The following IGF1R variants were observed in gnomAD, a reference collection of about 807,000 sequenced individuals.
The protein encoded by IGF1R is insulin like growth factor 1 receptor, also known as insulin-like growth factor 1 receptor.
IGF1R carries 44 observed loss-of-function variants against 144.6 expected under a neutral mutation model. The ratio of observed to expected loss-of-function variants is 0.30; its 90% CI spans 0.24 to 0.39. The LOEUF is 0.39. IGF1R is among the 10% of genes least tolerant of loss of function. The pLI, the probability that IGF1R is intolerant of heterozygous loss-of-function variation, is 1.00. For missense variants in IGF1R, 1,355 were observed against 1,833.7 expected (o/e 0.74, Z 4.77); for synonymous variants, 795 against 722.8 (o/e 1.10, Z -1.60).
At chr15:98,686,766 G>A (rs1032190445) in intron 1 of IGF1R, among the ~76,000 whole-genome samples, 2 of 151,834 alleles carry the variant, frequency 1.3e-5, no homozygotes, top group Non-Finnish European at 2.9e-5. Context: ...AACCTCCTAG[G>A]CTCATGTGAT....
At chr15:98,925,025 TATA>T (rs2015656454) in intron 13 of IGF1R, among the ~76,000 whole-genome samples, 1 of 152,000 alleles carries the variant, frequency 6.6e-6, no homozygotes, top group Non-Finnish European at 1.5e-5. Context: ...AAAGACATTT[TATA>T]AAGCATTGAA....
chr15:98,961,855 T>C lies in IGF1R; in HGVS notation c.*4413T>C, dbSNP rs1467204888. On this transcript the variant is annotated 3_prime_UTR_variant, in exon 21 of 21. Transcript: ENST00000650285. ...GACCGTGTTCGTGGCCGACCTGGCC[T>C]CTCCTGGCCTGTTTCTTAAGATGCG... The C allele has an allele frequency of 1.7e-5, 4 of 233,158 alleles. No homozygotes were observed. The highest frequency in any genetic ancestry group is 4.4e-5 in the African/African-American group (2 of 45,308). The allele number at this position is 233,158 out of a possible 1,614,324, so 14.4% of individuals were successfully genotyped here.
intron 2 of IGF1R, among the ~76,000 whole-genome samples, chr15:98,719,021 T>A (rs1320312744): frequency 6.6e-6 from 1 of 152,208 alleles, no homozygotes; most frequent in East Asian, 1.9e-4. Flanking sequence ...GCTAAGTAGA[T>A]GATATTATTA....
chr15:98,927,913 A>C (rs1216722794), intron 13 of IGF1R, among the ~76,000 whole-genome samples: 1 of 152,172 alleles, frequency 6.6e-6, no homozygotes, highest in Admixed American at 6.5e-5. Context: ...GACGTCCCAG[A>C]GAGGTCTCAG....
intron 2 of IGF1R, among the ~76,000 whole-genome samples, chr15:98,753,635 A>C (rs2055078134): frequency 6.6e-6 from 1 of 152,084 alleles, no homozygotes; most frequent in Admixed American, 6.5e-5. Flanking sequence ...TTTTATACAA[A>C]AGAAGCTTTT....
intron 5 of IGF1R, among the ~76,000 whole-genome samples, chr15:98,904,607 T>C (rs28730925): frequency 0.018 from 2,718 of 152,284 alleles, 76 homozygotes; most frequent in African/African-American, 0.06. Flanking sequence ...GGCCAAATAC[T>C]CTTATCAGTT....
At chr15:98,928,776 A>T (rs141324450) in intron 13 of IGF1R, among the ~76,000 whole-genome samples, 1 of 152,166 alleles carries the variant, frequency 6.6e-6, no homozygotes. Flanking sequence ...GTATGGGTCC[A>T]TGTGCCTGGT....
chr15:98,693,735 A>G (rs2053534108), intron 1 of IGF1R, among the ~76,000 whole-genome samples: 2 of 152,132 alleles, frequency 1.3e-5, no homozygotes. Flanking sequence ...CCTTCTGAGT[A>G]GCTGGGACTT....
intron 5 of IGF1R, among the ~76,000 whole-genome samples, chr15:98,900,455 G>T (rs2014424787): frequency 6.6e-6 from 1 of 152,220 alleles, no homozygotes; most frequent in Admixed American, 6.5e-5. Flanking sequence ...TCATGGGAAA[G>T]GTTGTCTTTG....
chr15:98,702,309 C>T (rs2053756803), intron 1 of IGF1R, among the ~76,000 whole-genome samples: 1 of 152,022 alleles, frequency 6.6e-6, no homozygotes, highest in Non-Finnish European at 1.5e-5. Flanking sequence ...GTTAACAGTA[C>T]TCATTTCAGC....
chr15:98,757,622 T>G (rs1307674334), intron 2 of IGF1R, among the ~76,000 whole-genome samples: 3 of 152,218 alleles, frequency 2.0e-5, no homozygotes, highest in Non-Finnish European at 4.4e-5. Context: ...TAATGCTTAA[T>G]GGCCTTGAGT....
At chr15:98,788,183 G>T (rs2056049749) in intron 2 of IGF1R, among the ~76,000 whole-genome samples, 1 of 152,000 alleles carries the variant, frequency 6.6e-6, no homozygotes, top group South Asian at 2.1e-4. Context: ...TGCATGGTAG[G>T]AATGGGTAGA....
Position 98,674,533 on chromosome 15 carries a change from C to G in IGF1R, c.94+24858C>G, listed in dbSNP as rs187843428. ...TCAGCAATCACGTGTACACATAGCA[C>G]TAGAATGACTTCACATATTTGACCT... On this transcript the variant is annotated intron_variant, in intron 1 of 20. Transcript: ENST00000650285. Among the ~76,000 whole-genome samples the G allele has an allele frequency of 2.8e-4, 42 of 152,280 alleles. No homozygotes were observed. In the East Asian group the frequency reaches 8.1e-3, roughly 29 times the overall value.
Position 98,963,004 on chromosome 15 carries a change from C to T in IGF1R, c.*5562C>T, listed in dbSNP as rs1307845731. The stretch of plus-strand genomic sequence containing the variant: ...TGGTCAACATTGTTTTAACTAGTCA[C>T]TCATTAGCGTTTTCAATAGGGCTCT... On this transcript the variant is annotated 3_prime_UTR_variant, in exon 21 of 21. Coordinates refer to ENST00000650285, the MANE Select transcript of IGF1R (RefSeq NM_000875.5). 1 of 233,546 alleles carries T rather than the reference C, an allele frequency of 4.3e-6. No homozygotes were observed. Among genetic ancestry groups the T allele is most frequent in the Non-Finnish European group, 8.5e-6 (1 of 118,050 alleles). 14.5% of individuals were successfully genotyped at this position (233,546 alleles called of 1,614,324 possible). A position where few individuals can be genotyped will look rare whatever the true frequency, so the allele number is the denominator to read the frequency against.
intron 1 of IGF1R, among the ~76,000 whole-genome samples, chr15:98,699,533 C>G (rs572013263): frequency 6.6e-6 from 1 of 152,220 alleles, no homozygotes; most frequent in East Asian, 1.9e-4. Context: ...TATGAAGATC[C>G]GGGAAAACGG....
chr15:98,650,644 C>T (rs1454339981), intron 1 of IGF1R, among the ~76,000 whole-genome samples: 4 of 152,224 alleles, frequency 2.6e-5, no homozygotes, highest in Non-Finnish European at 4.4e-5. Context: ...GACACCTAGA[C>T]GCCCGTCCCT....
chr15:98,707,172 C>T lies in IGF1R; in HGVS notation c.95-390C>T, dbSNP rs534319559. 6.6e-6 allele frequency among the ~76,000 whole-genome samples: 1 copy of T among 152,302 alleles called. No individual in the cohort carries two copies. The highest frequency in any genetic ancestry group is 1.9e-4 in the East Asian group (1 of 5,176). On this transcript the variant is annotated intron_variant, in intron 1 of 20. Transcript: ENST00000650285. The surrounding 1 kb of genome is among the most constrained non-coding windows in gnomAD (Gnocchi z 6.7). ...TTGGCTGCTGAGCTGTCGTTCAGGC[C>T]TTGGCAACTGACGCTCTGCAGAACG...
At chr15:98,698,591 A>G (rs1442878718) in intron 1 of IGF1R, among the ~76,000 whole-genome samples, 2 of 152,210 alleles carry the variant, frequency 1.3e-5, no homozygotes, top group Non-Finnish European at 2.9e-5. Flanking sequence ...AATGTCCTCA[A>G]GCTCCATCCA....
intron 2 of IGF1R, among the ~76,000 whole-genome samples, chr15:98,827,355 C>T (rs375947414): frequency 6.6e-6 from 1 of 152,142 alleles, no homozygotes; most frequent in Non-Finnish European, 1.5e-5. Context: ...ACCATGAAGA[C>T]CCCTTAGCTC....
Sources: allele counts gnomAD v4.1 joint callset (sites outside exome capture counted in the v4.1 genomes callset), GRCh38; gene constraint gnomAD v4.1.1; non-coding constraint Gnocchi (gnomAD v3.1); transcripts MANE v1.5; gene names NCBI Gene and HGNC (gene_info 2026-07-23, HGNC 2026-07-21).